ATXN10: variants seen among roughly 807,000 people sequenced by gnomAD.
ATXN10 encodes the protein ataxin-10.
A neutral mutation model predicts 52.9 loss-of-function variants in ATXN10; 28 were observed. The observed-to-expected ratio is 0.53, with a 90% CI of 0.39 to 0.73. The LOEUF is 0.73. ATXN10 is among the 30% of genes least tolerant of loss of function. ATXN10 has a pLI of 0.00. For synonymous variants in ATXN10, 226 were observed against 221.5 expected, an observed-to-expected ratio of 1.02 and a Z score of -0.18; for missense variants, 565 against 577.0, an observed-to-expected ratio of 0.98 and a Z score of 0.21.
intron 4 of ATXN10, among the ~76,000 whole-genome samples, chr22:45,702,379 C>T (rs1014320664): frequency 1.3e-5 from 2 of 152,076 alleles, no homozygotes; most frequent in East Asian, 1.9e-4. Flanking sequence ...TTTTTTCTTT[C>T]TAACAAGAAT....
chr22:45,740,506 C>G lies in ATXN10; in HGVS notation c.1141C>G (p.Leu381Val). 2 of 1,613,766 alleles carry G rather than the reference C, an allele frequency of 1.2e-6. No individual in the cohort carries two copies. Among genetic ancestry groups the G allele is most frequent in the Admixed American group, 3.3e-5 (2 of 60,000 alleles). Residue 381 changes from leucine to valine, a missense_variant, in exon 9 of 12, where the codon CTG becomes GTG. Coordinates refer to ENST00000252934, the MANE Select transcript of ATXN10 (RefSeq NM_013236.4). ...KSHLIRLIGN[L>V]CYKNKDNQDK... is the part of the protein sequence containing the mutation. ...TCATCTCATTCGTCTGATTGGAAAT[C>G]TGTGTTACAAGAATAAAGATAACCA... is the stretch of plus-strand genomic sequence containing the variant.
chr22:45,790,809 C>T lies in ATXN10; in HGVS notation c.1174-16150C>T, dbSNP rs1569065718. 1.3e-5 allele frequency among the ~76,000 whole-genome samples: 2 copies of T among 152,134 alleles called. No individual in the cohort carries two copies. Among genetic ancestry groups the T allele is most frequent in the Non-Finnish European group, 2.9e-5 (2 of 68,022 alleles). ...TTCATTCCTCTTTATATCTTTTTAT[C>T]CTGACCTTCTAGATCTTATTTCCCA... On this transcript the variant is annotated intron_variant, in intron 9 of 11. Coordinates refer to ENST00000252934, the MANE Select transcript of ATXN10 (RefSeq NM_013236.4). The surrounding 1 kb of genome is among the most constrained non-coding windows in gnomAD (Gnocchi z 4.7).
rs1923824862 is a variant in ATXN10 at position 45,701,063 on chromosome 22, G to A, written c.488+685G>A. Among the ~76,000 whole-genome samples the A allele has an allele frequency of 6.6e-6, 1 of 152,184 alleles. No individual in the cohort carries two copies. The highest frequency in any genetic ancestry group is 6.5e-5 in the Admixed American group (1 of 15,282). The stretch of plus-strand genomic sequence containing the variant: ...AGAGTCAGTATACCTAGTAGGAAAG[G>A]CACAGTCTGGGAGTGGGAGACCTGG... On this transcript the variant is annotated intron_variant, in intron 4 of 11. Transcript: ENST00000252934. This position sits in a 1 kb window ranked among gnomAD's most constrained non-coding sequence, Gnocchi z 4.2.
rs1929451448 is a variant in ATXN10, at chr22:45,844,625, A to T, written c.*954A>T. ...TCTGCTGTATGAGAGGTAGGACTGG[A>T]TTAAATGACCACTGAACTCACTGAA... On this transcript the variant is annotated 3_prime_UTR_variant, in exon 12 of 12. Transcript: ENST00000252934. 1 of 152,218 alleles carries T rather than the reference A, an allele frequency of 6.6e-6. No individual in the cohort carries two copies. The highest frequency in any genetic ancestry group is 2.4e-5 in the African/African-American group (1 of 41,456). The allele number at this position is 152,218 out of a possible 1,614,324, so 9.4% of individuals were successfully genotyped here.
intron 10 of ATXN10, among the ~76,000 whole-genome samples, chr22:45,838,915 G>T (rs1000897858): frequency 6.6e-6 from 1 of 152,224 alleles, no homozygotes; most frequent in Non-Finnish European, 1.5e-5. Flanking sequence ...ATTAGAGGAG[G>T]TTTGTGTAGT....
chr22:45,769,335 A>G lies in ATXN10; in HGVS notation c.1173+28797A>G, dbSNP rs900765860. ...TTTTGTTGTTATATTCATAGACACAACAGACATTTCTACAGGATCTGCTTG... is the reference window on the plus strand; with the variant it reads ...TTTTGTTGTTATATTCATAGACACAGCAGACATTTCTACAGGATCTGCTTG... On this transcript the variant is annotated intron_variant, in intron 9 of 11. Transcript: ENST00000252934. This position sits in a 1 kb window ranked among gnomAD's most constrained non-coding sequence, Gnocchi z 4.2. Among the ~76,000 whole-genome samples the G allele has an allele frequency of 1.3e-5, 2 of 152,014 alleles. No individual in the cohort carries two copies. Among genetic ancestry groups the G allele is most frequent in the Admixed American group, 1.3e-4 (2 of 15,252 alleles).
chr22:45,787,453 G>A lies in ATXN10; in HGVS notation c.1174-19506G>A, dbSNP rs751122030. On this transcript the variant is annotated intron_variant, in intron 9 of 11. Coordinates refer to ENST00000252934, the MANE Select transcript of ATXN10 (RefSeq NM_013236.4). This position sits in a 1 kb window ranked among gnomAD's most constrained non-coding sequence, Gnocchi z 4.2. ...GAGACAGGAGGGCCCAGGAAATGCCGAGTGCCCTGGCAGTTTCCTTCCCAC... is the reference window on the plus strand; with the variant it reads ...GAGACAGGAGGGCCCAGGAAATGCCAAGTGCCCTGGCAGTTTCCTTCCCAC... Among the ~76,000 whole-genome samples the A allele has an allele frequency of 4.6e-5, 7 of 152,158 alleles. No homozygotes were observed. The highest frequency in any genetic ancestry group is 8.8e-5 in the Non-Finnish European group (6 of 68,020).
chr22:45,738,571 C>A, intron 7 of ATXN10, 160 bp from the exon 8 acceptor site: 2 of 617,112 alleles, frequency 3.2e-6, no homozygotes, highest in Non-Finnish European at 5.6e-6. Flanking sequence ...ATATTTCATA[C>A]TTCTGTTTTG....
At chr22:45,709,296 C>T (rs556934375) in intron 5 of ATXN10, among the ~76,000 whole-genome samples, 61 of 152,128 alleles carry the variant, frequency 4.0e-4, no homozygotes, top group Admixed American at 5.2e-4. Flanking sequence ...GGATCTTTAA[C>T]AAGATAATAT....
rs1922458967 is a variant in ATXN10, at chr22:45,671,998, T to C, written c.-66T>C. 4.7e-6 allele frequency: 7 copies of C among 1,504,346 alleles called. No homozygotes were observed. The highest frequency in any genetic ancestry group is 6.2e-6 in the Non-Finnish European group (7 of 1,122,624). 93.2% of individuals were successfully genotyped at this position (1,504,346 alleles called of 1,614,324 possible). ...CCATCCTACTCCTCCCTCCTCGTCA[T>C]CCTCCCCCTTCGTCCTCCTCGCCTT... is the stretch of plus-strand genomic sequence containing the variant. On this transcript the variant is annotated 5_prime_UTR_variant, in exon 1 of 12. Coordinates refer to ENST00000252934, the MANE Select transcript of ATXN10 (RefSeq NM_013236.4).
intron 10 of ATXN10, among the ~76,000 whole-genome samples, chr22:45,821,456 A>G (rs909408483): frequency 1.3e-5 from 2 of 151,978 alleles, no homozygotes; most frequent in African/African-American, 4.8e-5. Context: ...ATTGTGAAAG[A>G]CCCCAACCTC....
At chr22:45,777,098 T>G (rs555945050) in intron 9 of ATXN10, among the ~76,000 whole-genome samples, 2 of 152,334 alleles carry the variant, frequency 1.3e-5, no homozygotes, top group African/African-American at 4.8e-5. Context: ...AATAATTCAT[T>G]TGGGTTTTCC....
intron 9 of ATXN10, among the ~76,000 whole-genome samples, chr22:45,746,961 A>G (rs1320945464): frequency 1.3e-5 from 2 of 152,166 alleles, no homozygotes; most frequent in Non-Finnish European, 2.9e-5. Flanking sequence ...GTGACATATG[A>G]AACACTTTAT....
chr22:45,734,997 G>T (rs1173597387), intron 7 of ATXN10, among the ~76,000 whole-genome samples: 3 of 151,614 alleles, frequency 2.0e-5, no homozygotes, highest in African/African-American at 4.8e-5. Flanking sequence ...CGATTCTCCT[G>T]CCTCAGCCTC....
rs981592407 is a variant in ATXN10 at position 45,790,424 on chromosome 22, C to T, written c.1174-16535C>T. ...CCAGAGTTAGAAAACAAGCCAATTC[C>T]TGGTCTTCTAATAGTTACCCCAAGC... On this transcript the variant is annotated intron_variant, in intron 9 of 11. Coordinates refer to ENST00000252934, the MANE Select transcript of ATXN10 (RefSeq NM_013236.4). The surrounding 1 kb of genome is among the most constrained non-coding windows in gnomAD (Gnocchi z 4.7). 3.3e-5 allele frequency among the ~76,000 whole-genome samples: 5 copies of T among 152,216 alleles called. No individual in the cohort carries two copies. Among genetic ancestry groups the T allele is most frequent in the Non-Finnish European group, 5.9e-5 (4 of 68,046 alleles).
At position 45,718,688 on chromosome 22, in the gene ATXN10, C is replaced by T. The variant is rs1192523082; in HGVS notation, c.728+195C>T. Among the ~76,000 whole-genome samples the T allele has an allele frequency of 6.6e-6, 1 of 152,132 alleles. No individual in the cohort carries two copies. Among genetic ancestry groups the T allele is most frequent in the East Asian group, 1.9e-4 (1 of 5,202 alleles). Reference sequence around the variant, plus strand: ...GTAGGCAGTGATTTATGGAGGGTAGCAGGATCCAGGTTGGTGCCATTATTC... The same window carrying T: ...GTAGGCAGTGATTTATGGAGGGTAGTAGGATCCAGGTTGGTGCCATTATTC... On this transcript the variant is annotated intron_variant, in intron 6 of 11. Transcript: ENST00000252934. The surrounding 1 kb of genome is among the most constrained non-coding windows in gnomAD (Gnocchi z 4.4).
chr22:45,810,181 T>G (rs888457601), intron 10 of ATXN10, among the ~76,000 whole-genome samples: 1 of 152,226 alleles, frequency 6.6e-6, no homozygotes, highest in Non-Finnish European at 1.5e-5. Context: ...GAACATGTGT[T>G]TGTTCACTGT....
At chr22:45,815,603 G>A (rs1928432898) in intron 10 of ATXN10, among the ~76,000 whole-genome samples, 1 of 139,962 alleles carries the variant, frequency 7.1e-6, no homozygotes, top group African/African-American at 2.7e-5. Flanking sequence ...CTCCTTCCCT[G>A]CCTTCCTTCC....
intron 9 of ATXN10, among the ~76,000 whole-genome samples, chr22:45,760,932 T>G (rs1437075009): frequency 2.0e-5 from 3 of 152,130 alleles, no homozygotes. Flanking sequence ...AGTGGAGGCC[T>G]GGTTGGAGGG....
Sources: allele counts gnomAD v4.1 joint callset (sites outside exome capture counted in the v4.1 genomes callset), GRCh38; gene constraint gnomAD v4.1.1; non-coding constraint Gnocchi (gnomAD v3.1); transcripts MANE v1.5; gene names NCBI Gene and HGNC (gene_info 2026-07-23, HGNC 2026-07-21).